INPPL1: variants seen among roughly 807,000 people sequenced by gnomAD.
INPPL1 encodes the protein phosphatidylinositol 3,4,5-trisphosphate 5-phosphatase 2.
A neutral mutation model predicts 139.3 loss-of-function variants in INPPL1; 91 were observed. The observed-to-expected ratio is 0.65, with a 90% CI of 0.55 to 0.78. The LOEUF is 0.78. INPPL1 is among the 30% of genes least tolerant of loss of function. The pLI, the probability that INPPL1 is intolerant of heterozygous loss-of-function variation, is 0.00. For missense variants in INPPL1, 1,411 were observed against 1,665.6 expected, an observed-to-expected ratio of 0.85 and a Z score of 2.66; for synonymous variants, 719 against 686.6, an observed-to-expected ratio of 1.05 and a Z score of -0.74.
In INPPL1 at chr11:72,232,983, G is replaced by A; in HGVS notation, c.1951+9G>A. ...GGTCTTCCTTCGATTCAGTGAGTGT[G>A]GGCCTGGTAGGTGGTGATCTGAGGG... On this transcript the variant is annotated intron_variant, in intron 16 of 27. Transcript: ENST00000298229. 1 of 1,613,554 alleles carries A rather than the reference G, an allele frequency of 6.2e-7. No homozygotes were observed. The highest frequency in any genetic ancestry group is 8.5e-7 in the Non-Finnish European group (1 of 1,179,476).
Position 72,238,558 on chromosome 11 carries a change from G to C in INPPL1, c.*205G>C. The C allele has an allele frequency of 2.2e-6, 1 of 449,388 alleles. No individual in the cohort carries two copies. The highest frequency in any genetic ancestry group is 3.9e-6 in the Non-Finnish European group (1 of 257,886). 27.8% of individuals were successfully genotyped at this position (449,388 alleles called of 1,614,324 possible). A position where few individuals can be genotyped will look rare whatever the true frequency, so the allele number is the denominator to read the frequency against. ...AGGGCATCCTGCCCCTCGCCTTTTAGGCTCAGGACGGAAGGTCAGTTGCCA... is the reference window on the plus strand; with the variant it reads ...AGGGCATCCTGCCCCTCGCCTTTTACGCTCAGGACGGAAGGTCAGTTGCCA... On this transcript the variant is annotated 3_prime_UTR_variant, in exon 28 of 28. Coordinates refer to ENST00000298229, the MANE Select transcript of INPPL1 (RefSeq NM_001567.4).
rs756084531 is a variant in INPPL1 at position 72,238,392 on chromosome 11, C to T, written c.*39C>T. 1.3e-6 allele frequency: 2 copies of T among 1,488,956 alleles called. No homozygotes were observed. Among genetic ancestry groups the T allele is most frequent in the East Asian group, 2.4e-5 (1 of 41,492 alleles). The allele number at this position is 1,488,956 out of a possible 1,614,324, so 92.2% of individuals were successfully genotyped here. ...ACGAAGCTGTGAACTCAGAGCCCCT[C>T]CCTGCTACCAAGGCCCAGCTATGGC... On this transcript the variant is annotated 3_prime_UTR_variant, in exon 28 of 28. Transcript: ENST00000298229.
At chr11:72,236,013 CCCCTTCCCCCACCCA>C in intron 25 of INPPL1, 27 bp downstream of exon 25, 1 of 1,329,526 alleles carries the variant, frequency 7.5e-7, no homozygotes, top group Non-Finnish European at 1.0e-6. Context: ...GTCACCGCCC[CCCCTTCCCCCACCCA>C]CCTCTATCCA....
At chr11:72,233,846 G>T in intron 19 of INPPL1, 102 bp downstream of exon 19, 1 of 915,846 alleles carries the variant, frequency 1.1e-6, no homozygotes, top group Non-Finnish European at 1.8e-6. Flanking sequence ...GTGTGTGTGG[G>T]TGTGTGTACC....
chr11:72,229,480 C>T lies in INPPL1; in HGVS notation c.675C>T (p.Val225=), dbSNP rs1159332634. 6.2e-7 allele frequency: 1 copy of T among 1,614,126 alleles called. No individual in the cohort carries two copies. Among genetic ancestry groups the T allele is most frequent in the Non-Finnish European group, 8.5e-7 (1 of 1,180,012 alleles). Residue 225 remains valine, a synonymous_variant, in exon 6 of 28, where the codon GTC becomes GTT. Transcript: ENST00000298229. ...TCTTCCCTAGTGAGGTGGACAAGGT[C>T]CTGTCAGGCCTGGAGATCCTGTCCA... ...CRRLHSEVDK[V]LSGLEILSKV...
intron 1 of INPPL1, among the ~76,000 whole-genome samples, chr11:72,227,559 C>T (rs1459729074): frequency 6.6e-6 from 1 of 152,160 alleles, no homozygotes; most frequent in African/African-American, 2.4e-5. Flanking sequence ...GCTGATTGTG[C>T]ACCTGGCTCA....
At chr11:72,232,446 A>AC in intron 14 of INPPL1, 110 bp downstream of exon 14, 2 of 1,223,740 alleles carry the variant, frequency 1.6e-6, no homozygotes, top group South Asian at 1.4e-5. Context: ...GTCTCCAGAG[A>AC]CCCCCTGCTC....
rs1948628902 is a variant in INPPL1 at position 72,225,046 on chromosome 11, G to C, written c.62G>C (p.Trp21Ser). 8.1e-7 allele frequency: 1 copy of C among 1,229,722 alleles called. No individual in the cohort carries two copies. The highest frequency in any genetic ancestry group is 1.0e-6 in the Non-Finnish European group (1 of 987,260). The allele number at this position is 1,229,722 out of a possible 1,614,324, so 76.2% of individuals were successfully genotyped here. Residue 21 changes from tryptophan to serine, a missense_variant, in exon 1 of 28, where the codon TGG becomes TCG. Physicochemically the swap from Trp to Ser is radical, Grantham distance 177. Around this residue, in one of 5 missense-constraint regions of INPPL1, gnomAD observed 504 missense variants for 595.6 expected, o/e 0.85. Transcript: ENST00000298229. ...GGALGSQAPS[W>S]YHRDLSRAAA... The stretch of plus-strand genomic sequence containing the variant: ...GCCCTGGGCAGCCAGGCCCCCTCCT[G>C]GTACCACCGCGACCTGAGCCGGGCG...
chr11:72,234,740 T>A lies in INPPL1; in HGVS notation c.2415+125T>A. ...CAGAGAGAGAGAGAGAGAGTGTGTG[T>A]GTGTGTGTGTGTGTGTGTGTGTGTA... On this transcript the variant is annotated intron_variant, in intron 21 of 27. Transcript: ENST00000298229. This position sits in a 1 kb window ranked among gnomAD's most constrained non-coding sequence, Gnocchi z 4.2. 4.8e-6 allele frequency: 3 copies of A among 630,280 alleles called. No individual in the cohort carries two copies. Among genetic ancestry groups the A allele is most frequent in the Admixed American group, 5.5e-5 (2 of 36,344 alleles). The allele number at this position is 630,280 out of a possible 1,614,324, so 39.0% of individuals were successfully genotyped here. A position where few individuals can be genotyped will look rare whatever the true frequency, so the allele number is the denominator to read the frequency against.
chr11:72,232,584 C>G (rs374372889), intron 14 of INPPL1, 42 bp from the exon 15 acceptor site: 3 of 1,605,812 alleles, frequency 1.9e-6, no homozygotes, highest in Non-Finnish European at 8.5e-7. Flanking sequence ...TGGCCCTGAC[C>G]CTGGGGATCT....
chr11:72,228,123 G>A lies in INPPL1; in HGVS notation c.183-67G>A. 1 of 1,561,950 alleles carries A rather than the reference G, an allele frequency of 6.4e-7. No homozygotes were observed. ...GGGGTGCTGAGCTTGCTGGCAGGAG[G>A]AAGGGGTGCTTTGGGTCTTAGACCC... On this transcript the variant is annotated intron_variant, in intron 1 of 27. Coordinates refer to ENST00000298229, the MANE Select transcript of INPPL1 (RefSeq NM_001567.4). The surrounding 1 kb of genome is among the most constrained non-coding windows in gnomAD (Gnocchi z 5.0).
At position 72,229,979 on chromosome 11, in the gene INPPL1, C is replaced by T. The variant is rs1237449594; in HGVS notation, c.899C>T (p.Ser300Phe). 1 of 1,614,124 alleles carries T rather than the reference C, an allele frequency of 6.2e-7. No individual in the cohort carries two copies. The highest frequency in any genetic ancestry group is 1.3e-5 in the African/African-American group (1 of 74,946). ...SSTAPPAPQP[S>F]TRKAKTIPVQ... is the part of the protein sequence containing the mutation. Reference sequence around the variant, plus strand: ...ACAGCACCCCCAGCTCCGCAGCCATCCACACGTAAGGCCAAGACCATCCCC... The same window carrying T: ...ACAGCACCCCCAGCTCCGCAGCCATTCACACGTAAGGCCAAGACCATCCCC... The change falls in exon 8 of 28, where the codon TCC becomes TTC. Residue 300 changes from serine (S) to phenylalanine (F), a missense_variant. Coordinates refer to ENST00000298229, the MANE Select transcript of INPPL1 (RefSeq NM_001567.4).
At chr11:72,231,342 C>T (rs1948828902) in intron 12 of INPPL1, 153 bp downstream of exon 12, 2 of 942,680 alleles carry the variant, frequency 2.1e-6, no homozygotes, top group Admixed American at 4.0e-5. Flanking sequence ...CTGAGTCCTT[C>T]ATGCCACGAG....
intron 25 of INPPL1, 55 bp downstream of exon 25, chr11:72,236,041 A>G: frequency 1.1e-6 from 1 of 947,288 alleles, no homozygotes; most frequent in South Asian, 1.6e-5. Flanking sequence ...TCTATCCATC[A>G]CTATCCCCTG....
chr11:72,233,733 T>C lies in INPPL1; in HGVS notation c.2201T>C (p.Ile734Thr), dbSNP rs772655862. Residue 734 changes from isoleucine (I) to threonine (T), a missense_variant, in exon 19 of 28, where the codon ATC (isoleucine) becomes ACC (threonine). This residue lies in a region of INPPL1 where 363 missense variants were observed against 446.2 expected (regional missense o/e 0.81). Transcript: ENST00000298229. ...GAGGTTGGAGTTACCTCCCAGTTCATCTCCAAGAAAGGTGACTGTTCCAGA... is the reference window on the plus strand; with the variant it reads ...GAGGTTGGAGTTACCTCCCAGTTCACCTCCAAGAAAGGTGACTGTTCCAGA... Reference protein sequence around the residue: ...TFEVGVTSQFISKKGLSKTSD... With the variant: ...TFEVGVTSQFTSKKGLSKTSD... The C allele has an allele frequency of 1.2e-6, 2 of 1,613,922 alleles. No individual in the cohort carries two copies. The highest frequency in any genetic ancestry group is 1.7e-6 in the Non-Finnish European group (2 of 1,179,844).
In INPPL1 at chr11:72,229,485, C is replaced by T. The variant is rs768216134; in HGVS notation, c.680C>T (p.Ser227Leu). ...RLHSEVDKVL[S>L]GLEILSKVFD... ...CCTAGTGAGGTGGACAAGGTCCTGT[C>T]AGGCCTGGAGATCCTGTCCAAGGTG... The change falls in exon 6 of 28, where the codon TCA becomes TTA. Residue 227 changes from serine (S) to leucine (L), a missense_variant. Physicochemically the swap from Ser to Leu is moderately radical, Grantham distance 145. This residue lies in a region of INPPL1 where 504 missense variants were observed against 595.6 expected (regional missense o/e 0.85). Coordinates refer to ENST00000298229, the MANE Select transcript of INPPL1 (RefSeq NM_001567.4). The T allele has an allele frequency of 2.5e-6, 4 of 1,614,132 alleles. No homozygotes were observed. The highest frequency in any genetic ancestry group is 3.4e-6 in the Non-Finnish European group (4 of 1,179,998).
At chr11:72,224,497 G>C (rs1406002068), upstream of INPPL1, among the ~76,000 whole-genome samples, 5 of 151,018 alleles carry the variant, frequency 3.3e-5, no homozygotes, top group Non-Finnish European at 5.9e-5. Context: ...TCCAGGGGGT[G>C]CCTGGATCCC....
Position 72,228,536 on chromosome 11 carries a change from C to A in INPPL1, c.397+38C>A. ...GTGCAGGTCCCCTCCCTGCCCCTGT[C>A]CCTTGGCTCTACCTGCCTCTTCCCA... On this transcript the variant is annotated intron_variant, in intron 3 of 27. Transcript: ENST00000298229. The surrounding 1 kb of genome is among the most constrained non-coding windows in gnomAD (Gnocchi z 5.0). The A allele has an allele frequency of 6.3e-7, 1 of 1,596,666 alleles. No homozygotes were observed. The highest frequency in any genetic ancestry group is 1.1e-5 in the South Asian group (1 of 90,804).
At position 72,233,829 on chromosome 11, in the gene INPPL1, TGTAA is replaced by T. The variant is rs538260033; in HGVS notation, c.2212+88_2212+91del. The T allele has an allele frequency of 7.2e-5, 75 of 1,045,508 alleles. No individual in the cohort carries two copies. In the African/African-American group the frequency reaches 1.0e-3, roughly 14 times the overall value. The allele number at this position is 1,045,508 out of a possible 1,614,324, so 64.8% of individuals were successfully genotyped here. A position where few individuals can be genotyped will look rare whatever the true frequency, so the allele number is the denominator to read the frequency against. On this transcript the variant is annotated intron_variant, in intron 19 of 27. Transcript: ENST00000298229. ...CTCGGGATGTACATAGGTTTGACTA[TGTAA>T]GTGTGTGTGTGGGTGTGTGTACCAG...
Sources: gnomAD v4.1 joint callset for allele counts (sites outside exome capture counted in the v4.1 genomes callset) on GRCh38, gnomAD v4.1.1 for gene constraint, gnomAD v4.1.1 regional missense constraint, Gnocchi (gnomAD v3.1) non-coding constraint, MANE v1.5 for transcripts, NCBI Gene and HGNC (gene_info 2026-07-23, HGNC 2026-07-21) for gene names.